EGF: variants seen among roughly 807,000 people sequenced by gnomAD.
EGF encodes epidermal growth factor.
A neutral mutation model predicts 143.8 loss-of-function variants in EGF; 95 were observed. That is an observed-to-expected ratio of 0.66 (90% confidence interval 0.56 to 0.78). The LOEUF is 0.78. Ranked by LOEUF, EGF falls within the 30% of genes least tolerant of loss-of-function variation. The pLI is 0.00. For missense variants in EGF, 1,320 were observed against 1,470.9 expected (o/e 0.90, Z 1.68); for synonymous variants, 510 against 510.5 (o/e 1.00, Z 0.01).
chr4:109,976,105 A>T lies in EGF; in HGVS notation c.1923A>T (p.Leu641=), dbSNP rs1465936247. ...GTCTGGTTATAGCCAGCTCTGATCT[A>T]ATCTGGCCCAGTGGAATAACGATTG... ...LGRLVIASSD[L]IWPSGITIDF... Residue 641 remains leucine (L), a synonymous_variant, in exon 13 of 24, where the codon CTA becomes CTT. Coordinates refer to ENST00000265171, the MANE Select transcript of EGF (RefSeq NM_001963.6). 1.2e-6 allele frequency: 2 copies of T among 1,614,144 alleles called. No individual in the cohort carries two copies. The highest frequency in any genetic ancestry group is 1.7e-6 in the Non-Finnish European group (2 of 1,179,984).
chr4:109,940,540 C>A (rs1436271788), intron 1 of EGF, among the ~76,000 whole-genome samples: 1 of 152,096 alleles, frequency 6.6e-6, no homozygotes, highest in Non-Finnish European at 1.5e-5. Flanking sequence ...CCCAAGGAGT[C>A]CATTTCCAAA....
At chr4:109,973,244 C>T (rs1350094299) in intron 11 of EGF, among the ~76,000 whole-genome samples, 1 of 152,124 alleles carries the variant, frequency 6.6e-6, no homozygotes, top group African/African-American at 2.4e-5. Context: ...ACTGTTTTAT[C>T]TCCTCACCGT....
At chr4:109,949,571 G>T in intron 5 of EGF, among the ~76,000 whole-genome samples, 1 of 151,032 alleles carries the variant, frequency 6.6e-6, no homozygotes, top group African/African-American at 2.4e-5. Flanking sequence ...TATTTCCTAT[G>T]CAGCAGCCCA....
intron 1 of EGF, among the ~76,000 whole-genome samples, chr4:109,929,416 G>A (rs1739297989): frequency 6.6e-6 from 1 of 152,128 alleles, no homozygotes; most frequent in African/African-American, 2.4e-5. Context: ...CACACAATAT[G>A]TTGACTGTAA....
At chr4:109,936,708 TA>T (rs1740872662) in intron 1 of EGF, among the ~76,000 whole-genome samples, 1 of 152,226 alleles carries the variant, frequency 6.6e-6, no homozygotes, top group African/African-American at 2.4e-5. Flanking sequence ...AACACTGCTT[TA>T]GCTGTGTCTC....
chr4:109,913,280 C>A lies in EGF; in HGVS notation c.-56C>A. 6.2e-7 allele frequency: 1 copy of A among 1,607,960 alleles called. No homozygotes were observed. The highest frequency in any genetic ancestry group is 1.7e-5 in the Admixed American group (1 of 59,802). On this transcript the variant is annotated 5_prime_UTR_variant, in exon 1 of 24. Transcript: ENST00000265171. ...GTCAATCATACTCACCTTGCCCGGG[C>A]CATGCTCCAGCAAAATCAAGCTGTT...
chr4:109,983,340 A>G, intron 15 of EGF, 82 bp from the exon 16 acceptor site: 1 of 1,484,268 alleles, frequency 6.7e-7, no homozygotes, highest in Non-Finnish European at 9.2e-7. Context: ...CAACCAATGA[A>G]TAGTCGTAAA....
At chr4:110,008,827 C>T (rs1753650349) in intron 23 of EGF, among the ~76,000 whole-genome samples, 1 of 152,098 alleles carries the variant, frequency 6.6e-6, no homozygotes, top group East Asian at 1.9e-4. Context: ...ACTCAGATAC[C>T]CTTAAGAGTT....
chr4:109,983,368 T>G, intron 15 of EGF, 54 bp from the exon 16 acceptor site: 1 of 1,511,228 alleles, frequency 6.6e-7, no homozygotes, highest in Non-Finnish European at 9.1e-7. Context: ...GAAATCAAAC[T>G]TTTTTTTTGA....
At chr4:109,997,112 G>T (rs1008989507) in intron 20 of EGF, among the ~76,000 whole-genome samples, 1 of 152,112 alleles carries the variant, frequency 6.6e-6, no homozygotes, top group African/African-American at 2.4e-5. Flanking sequence ...AAGCCAGTGA[G>T]CCAGGAGTGC....
intron 22 of EGF, among the ~76,000 whole-genome samples, chr4:110,006,740 T>C (rs1230065223): frequency 6.6e-6 from 1 of 152,228 alleles, no homozygotes; most frequent in Non-Finnish European, 1.5e-5. Flanking sequence ...TTTGCTGCTG[T>C]CATGAGCAAC....
At chr4:109,913,531 C>G in intron 1 of EGF, 69 bp downstream of exon 1, 5 of 1,586,184 alleles carry the variant, frequency 3.2e-6, no homozygotes, top group Admixed American at 1.8e-5. Context: ...TTGGTTCAAT[C>G]TGGTATACTT....
chr4:109,973,067 T>A (rs902913040), intron 11 of EGF, among the ~76,000 whole-genome samples: 4 of 152,186 alleles, frequency 2.6e-5, no homozygotes, highest in African/African-American at 9.7e-5. Context: ...AGGCAGTACA[T>A]TGGGAAAGGG....
At chr4:109,940,513 T>A (rs1250547376) in intron 1 of EGF, among the ~76,000 whole-genome samples, 1 of 152,240 alleles carries the variant, frequency 6.6e-6, no homozygotes, top group Admixed American at 6.5e-5. Context: ...TGCTGAAGGC[T>A]CTGGTCATAG....
chr4:109,971,108 G>A (rs1747580421), intron 11 of EGF, among the ~76,000 whole-genome samples: 1 of 152,092 alleles, frequency 6.6e-6, no homozygotes, highest in Non-Finnish European at 1.5e-5. Flanking sequence ...AATTGGAGAG[G>A]TAAAATAACT....
Position 109,959,378 on chromosome 4 carries a change from C to A in EGF, c.1007C>A (p.Ser336Ter). ...SSTVCGQDLQ[S>*]HLCMCAEGYA... is the part of the protein sequence containing the mutation. ...ACTGTGTGTGGGCAAGACCTCCAGT[C>A]ACACTTGTGCATGTGTGCAGAGGGA... The change falls in exon 6 of 24, where the codon TCA becomes TAA. Residue 336 changes from serine to a stop codon, truncating the protein, a stop_gained. Transcript: ENST00000265171. LOFTEE classifies it high-confidence loss of function. 1 of 1,613,414 alleles carries A rather than the reference C, an allele frequency of 6.2e-7. No individual in the cohort carries two copies. Among genetic ancestry groups the A allele is most frequent in the Non-Finnish European group, 8.5e-7 (1 of 1,179,942 alleles).
intron 8 of EGF, 130 bp from the exon 9 acceptor site, chr4:109,963,043 T>G: frequency 9.0e-7 from 1 of 1,108,906 alleles, no homozygotes; most frequent in South Asian, 1.3e-5. Flanking sequence ...CCAGCCTGGG[T>G]GAAAGAGTGA....
rs1400015319 is a variant in EGF, at chr4:109,999,730, G to A, written c.3057G>A (p.Trp1019Ter). Residue 1019 changes from tryptophan (W) to a stop codon, truncating the protein, a stop_gained, in exon 21 of 24, where the codon TGG becomes TGA. Transcript: ENST00000265171. LOFTEE classifies it high-confidence loss of function. ...GERCQYRDLK[W>*]WELRHAGHGQ... ...GATGTCAGTACCGAGACCTGAAGTG[G>A]TGGGAACTGCGCCACGCTGGCCACG... The A allele has an allele frequency of 6.2e-7, 1 of 1,614,114 alleles. No individual in the cohort carries two copies. Among genetic ancestry groups the A allele is most frequent in the African/African-American group, 1.3e-5 (1 of 75,018 alleles).
chr4:109,982,626 C>T (rs1421343673), intron 15 of EGF, among the ~76,000 whole-genome samples: 1 of 151,534 alleles, frequency 6.6e-6, no homozygotes, highest in Non-Finnish European at 1.5e-5. Flanking sequence ...CCGTGCCCGG[C>T]CTTTTTTCTT....
Sources: allele counts gnomAD v4.1 joint callset (sites outside exome capture counted in the v4.1 genomes callset), GRCh38; gene constraint gnomAD v4.1.1; transcripts MANE v1.5; gene names NCBI Gene and HGNC (gene_info 2026-07-23, HGNC 2026-07-21).